Variants in AKAP13 observed in about 807,000 individuals in gnomAD.
AKAP13 encodes A-kinase anchor protein 13.
In AKAP13, 80 loss-of-function variants were observed where a neutral mutation model predicts 264.5. The ratio of observed to expected loss-of-function variants is 0.30; its 90% CI spans 0.25 to 0.36. The LOEUF is 0.36. AKAP13 is among the 10% of genes least tolerant of loss of function. The probability of loss-of-function intolerance (pLI) is 1.00; values close to 1 mark genes in which losing one functional copy is unlikely to be tolerated. For synonymous variants in AKAP13, 1,380 were observed against 1,250.2 expected, an observed-to-expected ratio of 1.10 and a Z score of -2.19; for missense variants, 3,712 against 3,435.2, an observed-to-expected ratio of 1.08 and a Z score of -2.01.
At chr15:85,634,633 G>A (rs1269497918) in intron 8 of AKAP13, among the ~76,000 whole-genome samples, 2 of 152,128 alleles carry the variant, frequency 1.3e-5, no homozygotes, top group Non-Finnish European at 2.9e-5. Context: ...ATAGTTTGGT[G>A]AGCCTTGACA....
intron 1 of AKAP13, among the ~76,000 whole-genome samples, chr15:85,409,277 A>G (rs935418528): frequency 6.6e-6 from 1 of 151,794 alleles, no homozygotes; most frequent in African/African-American, 2.4e-5. Context: ...TCCCAGGTTC[A>G]AGCGATTCTC....
chr15:85,409,224 C>G (rs2071823982), intron 1 of AKAP13, among the ~76,000 whole-genome samples: 1 of 151,758 alleles, frequency 6.6e-6, no homozygotes, highest in Non-Finnish European at 1.5e-5. Flanking sequence ...GTCGCCTAGC[C>G]TGGAGTGCAT....
At chr15:85,464,316 T>TA (rs1255260613) in intron 1 of AKAP13, among the ~76,000 whole-genome samples, 2 of 152,174 alleles carry the variant, frequency 1.3e-5, no homozygotes, top group Admixed American at 1.3e-4. Context: ...GTCTAGAATT[T>TA]AAAAAAATGA....
At chr15:85,725,953 T>C (rs913678358) in intron 26 of AKAP13, among the ~76,000 whole-genome samples, 15 of 152,230 alleles carry the variant, frequency 9.9e-5, no homozygotes, top group African/African-American at 3.6e-4. Context: ...ACTTCATCTT[T>C]GGGCAGCATT....
chr15:85,729,018 T>A (rs2151746364), intron 29 of AKAP13, among the ~76,000 whole-genome samples: 1 of 151,894 alleles, frequency 6.6e-6, no homozygotes, highest in South Asian at 2.1e-4. Context: ...TCTGATCAGT[T>A]GGCCAGGCTC....
chr15:85,502,572 C>T (rs996774203), intron 2 of AKAP13, among the ~76,000 whole-genome samples: 12 of 152,006 alleles, frequency 7.9e-5, no homozygotes, highest in African/African-American at 2.7e-4. Flanking sequence ...TAAAAAATGT[C>T]GACACTTAAA....
rs939363727 is a variant in AKAP13, at chr15:85,575,219, G to A, written c.751G>A (p.Asp251Asn). 1.2e-6 allele frequency: 2 copies of A among 1,614,070 alleles called. No homozygotes were observed. The highest frequency in any genetic ancestry group is 1.7e-6 in the Non-Finnish European group (2 of 1,179,994). Residue 251 changes from aspartate (D) to asparagine (N), a missense_variant, in exon 6 of 37, where the codon GAC (aspartate) becomes AAC (asparagine). By Grantham distance (23) the Asp-to-Asn change is conservative (BLOSUM62 1). Around this residue, in one of 3 missense-constraint regions of AKAP13, gnomAD observed 2,759 missense variants for 2,411.7 expected, o/e 1.14. Transcript: ENST00000394518. ...TTCTGTGAGGCATCATCGAGAGTTG[G>A]ACATCTATACATTAACCTCTGAGTC... ...DCSVRHHREL[D>N]IYTLTSESDS...
At position 85,546,685 on chromosome 15, in the gene AKAP13, G is replaced by A. The variant is rs183212178; in HGVS notation, c.662+2730G>A. On this transcript the variant is annotated intron_variant, in intron 5 of 36. Transcript: ENST00000394518. ...TAAAGCATTTGTTGGTGAGATTCAC[G>A]AAGGGGTTTGTAGAAAGTTAAGAAT... Among the ~76,000 whole-genome samples, 725 of 151,940 alleles carry A rather than the reference G, an allele frequency of 4.8e-3. 4 individuals are homozygous for A. Among genetic ancestry groups the A allele is most frequent in the South Asian group, 0.02 (98 of 4,814 alleles).
intron 19 of AKAP13, among the ~76,000 whole-genome samples, chr15:85,712,695 C>T (rs947717207): frequency 1.3e-5 from 2 of 152,168 alleles, no homozygotes; most frequent in African/African-American, 2.4e-5. Flanking sequence ...AGGTGTGAGC[C>T]ACCACACCCA....
At chr15:85,408,984 A>G (rs921135467) in intron 1 of AKAP13, among the ~76,000 whole-genome samples, 1 of 151,566 alleles carries the variant, frequency 6.6e-6, no homozygotes. Flanking sequence ...CCTCACCAAC[A>G]CTTGTTATTT....
At chr15:85,658,995 T>G (rs2083221284) in intron 12 of AKAP13, among the ~76,000 whole-genome samples, 1 of 152,180 alleles carries the variant, frequency 6.6e-6, no homozygotes, top group Non-Finnish European at 1.5e-5. Flanking sequence ...TGTGTGCTTG[T>G]GCACAGGCCC....
chr15:85,494,019 T>C (rs1316285208), intron 2 of AKAP13, among the ~76,000 whole-genome samples: 1 of 152,132 alleles, frequency 6.6e-6, no homozygotes, highest in African/African-American at 2.4e-5. Context: ...AGAACAAGGG[T>C]ACCCCATTTT....
chr15:85,533,643 G>T lies in AKAP13; in HGVS notation c.241G>T (p.Val81Leu), dbSNP rs146142499. The change falls in exon 4 of 37, where the codon GTG (valine) becomes TTG (leucine). Residue 81 changes from valine to leucine, a missense_variant. Physicochemically the swap from Val to Leu is conservative, Grantham distance 32. This residue lies in a region of AKAP13 where 2,759 missense variants were observed against 2,411.7 expected (regional missense o/e 1.14). Coordinates refer to ENST00000394518, the MANE Select transcript of AKAP13 (RefSeq NM_007200.5). ...QLCASKEGLP[V>L]FVVAEEDFHF... ...CTGTGCTTCCAAAGAGGGCCTTCCC[G>T]TGTTTGTGGTGGCTGAAGAAGACTT... 4.3e-6 allele frequency: 7 copies of T among 1,614,176 alleles called. No individual in the cohort carries two copies. The highest frequency in any genetic ancestry group is 1.7e-5 in the Admixed American group (1 of 60,028).
chr15:85,519,870 A>G (rs1009877016), intron 2 of AKAP13, among the ~76,000 whole-genome samples: 4 of 152,176 alleles, frequency 2.6e-5, no homozygotes, highest in African/African-American at 9.7e-5. Context: ...AATTGTGACC[A>G]CAGGGTGGTA....
chr15:85,616,367 AATGCT>A (rs2080937374), intron 8 of AKAP13, among the ~76,000 whole-genome samples: 1 of 152,206 alleles, frequency 6.6e-6, no homozygotes, highest in African/African-American at 2.4e-5. Context: ...CATGAACACA[AATGCT>A]ATAGCTAAAT....
At chr15:85,609,318 C>G (rs939909881) in intron 8 of AKAP13, among the ~76,000 whole-genome samples, 1 of 152,148 alleles carries the variant, frequency 6.6e-6, no homozygotes, top group Non-Finnish European at 1.5e-5. Context: ...CTCTTTATTT[C>G]TGTGAAATCA....
rs1411551530 is a variant in AKAP13 at position 85,643,808 on chromosome 15, C to T, written c.4238-2010C>T. On this transcript the variant is annotated intron_variant, in intron 9 of 36. Transcript: ENST00000394518. The stretch of plus-strand genomic sequence containing the variant: ...TTAGGCACATTTTCTTCAAGCTCCT[C>T]GGCAAGCTGTATGTATCTCAGACGG... 2.0e-5 allele frequency among the ~76,000 whole-genome samples: 3 copies of T among 152,142 alleles called. No individual in the cohort carries two copies. In the South Asian group the frequency reaches 6.2e-4, roughly 32 times the overall value.
In AKAP13 at chr15:85,718,377, T is replaced by C. The variant is rs548316484; in HGVS notation, c.6001+218T>C. Reference sequence around the variant, plus strand: ...TCAGTTCTACTGAACATTGTACTTATATGTGAGTACTTATTTATACAGCAG... The same window carrying C: ...TCAGTTCTACTGAACATTGTACTTACATGTGAGTACTTATTTATACAGCAG... On this transcript the variant is annotated intron_variant, in intron 22 of 36. Transcript: ENST00000394518. This position sits in a 1 kb window ranked among gnomAD's most constrained non-coding sequence, Gnocchi z 4.9. Among the ~76,000 whole-genome samples, 20 of 152,320 alleles carry C rather than the reference T, an allele frequency of 1.3e-4. No homozygotes were observed. The highest frequency in any genetic ancestry group is 4.1e-4 in the African/African-American group (17 of 41,570).
intron 5 of AKAP13, among the ~76,000 whole-genome samples, chr15:85,561,362 G>T (rs2078372011): frequency 6.6e-6 from 1 of 152,054 alleles, no homozygotes; most frequent in Admixed American, 6.6e-5. Context: ...CCAGCCTCTG[G>T]ACATAAGGAT....
Sources: allele counts gnomAD v4.1 joint callset (sites outside exome capture counted in the v4.1 genomes callset), GRCh38; gene constraint gnomAD v4.1.1; regional missense constraint gnomAD v4.1.1; non-coding constraint Gnocchi (gnomAD v3.1); transcripts MANE v1.5; gene names NCBI Gene and HGNC (gene_info 2026-07-23, HGNC 2026-07-21).